The following PAPPA variants were observed in gnomAD, a reference collection of about 807,000 sequenced individuals.
The protein encoded by PAPPA is pappalysin-1.
A neutral mutation model predicts 164.0 loss-of-function variants in PAPPA; 60 were observed. The ratio of observed to expected loss-of-function variants is 0.37; its 90% CI spans 0.30 to 0.45. PAPPA has a LOEUF of 0.45. Among genes scored for constraint, PAPPA ranks in the 20% least tolerant of loss-of-function variants. PAPPA has a pLI of 1.00. For missense variants in PAPPA, 1,782 were observed against 2,087.3 expected (o/e 0.85, Z 2.85); for synonymous variants, 875 against 814.1 (o/e 1.07, Z -1.27).
chr9:116,355,203 TC>T (rs11356865), intron 17 of PAPPA, among the ~76,000 whole-genome samples: 151,752 of 152,372 alleles, frequency 1, 75,568 homozygotes, highest in East Asian at 1. Context: ...TCCCTGTGCC[TC>T]TCAGCACTTA....
intron 15 of PAPPA, among the ~76,000 whole-genome samples, chr9:116,352,014 G>A (rs905702441): frequency 2.0e-5 from 3 of 152,204 alleles, no homozygotes; most frequent in Non-Finnish European, 2.9e-5. Flanking sequence ...CCTAACTCCC[G>A]TGTTTTACTT....
At chr9:116,184,732 T>C (rs952861108) in intron 1 of PAPPA, among the ~76,000 whole-genome samples, 1 of 152,224 alleles carries the variant, frequency 6.6e-6, no homozygotes, top group Non-Finnish European at 1.5e-5. Context: ...ATCTTTCTAC[T>C]TTACCAAGAA....
intron 9 of PAPPA, among the ~76,000 whole-genome samples, chr9:116,288,027 A>G (rs1468734243): frequency 6.6e-6 from 1 of 152,186 alleles, no homozygotes; most frequent in Non-Finnish European, 1.5e-5. Flanking sequence ...CTGATCAAAA[A>G]GGGCAGTGGT....
intron 5 of PAPPA, 121 bp from the exon 6 acceptor site, chr9:116,227,310 G>A (rs776285504): frequency 8.2e-5 from 85 of 1,040,772 alleles, no homozygotes; most frequent in Non-Finnish European, 1.1e-4. Flanking sequence ...TATGTAGGCA[G>A]GAAAGGGGGA....
chr9:116,349,874 T>G (rs1846259096), intron 15 of PAPPA, among the ~76,000 whole-genome samples: 1 of 152,190 alleles, frequency 6.6e-6, no homozygotes. Flanking sequence ...ATGCCTTCAC[T>G]TCGTGTCTTG....
chr9:116,299,550 A>G (rs1347559079), intron 9 of PAPPA, among the ~76,000 whole-genome samples: 2 of 152,234 alleles, frequency 1.3e-5, no homozygotes, highest in Non-Finnish European at 2.9e-5. Context: ...TTACCCTTAC[A>G]GAGAACATAA....
chr9:116,290,450 T>C, intron 9 of PAPPA, among the ~76,000 whole-genome samples: 1 of 152,070 alleles, frequency 6.6e-6, no homozygotes, highest in East Asian at 1.9e-4. Flanking sequence ...AAATATATCT[T>C]AGAGTGACAC....
At chr9:116,228,756 C>A (rs577859431) in intron 6 of PAPPA, among the ~76,000 whole-genome samples, 83 of 152,274 alleles carry the variant, frequency 5.5e-4, no homozygotes, top group Non-Finnish European at 1.8e-4. Context: ...GGGCTCCCCC[C>A]AAGTGCAGGA....
At chr9:116,247,045 G>C (rs1844805134) in intron 7 of PAPPA, among the ~76,000 whole-genome samples, 1 of 151,844 alleles carries the variant, frequency 6.6e-6, no homozygotes, top group South Asian at 2.1e-4. Context: ...AAAAGAGAGA[G>C]AGAAAATAAA....
At chr9:116,317,983 G>A (rs1845807729) in intron 10 of PAPPA, among the ~76,000 whole-genome samples, 1 of 152,176 alleles carries the variant, frequency 6.6e-6, no homozygotes, top group Non-Finnish European at 1.5e-5. Flanking sequence ...TAAATAACGT[G>A]CTCAGAACTG....
intron 7 of PAPPA, among the ~76,000 whole-genome samples, chr9:116,243,904 G>T (rs989151713): frequency 7.2e-5 from 11 of 151,978 alleles, no homozygotes; most frequent in Admixed American, 6.6e-4. Context: ...ACATTCTGAT[G>T]TCCCACCCAC....
At chr9:116,177,811 A>G (rs537855982) in intron 1 of PAPPA, among the ~76,000 whole-genome samples, 10 of 152,192 alleles carry the variant, frequency 6.6e-5, no homozygotes, top group Non-Finnish European at 1.3e-4. Flanking sequence ...GCAACTTTCA[A>G]GGATGAACAA....
rs1413601794 is a variant in PAPPA at position 116,352,761 on chromosome 9, C to T, written c.4020C>T (p.Ala1340=). The change falls in exon 16 of 22, where the codon GCC becomes GCT. Residue 1340 remains alanine, a synonymous_variant. Coordinates refer to ENST00000328252, the MANE Select transcript of PAPPA (RefSeq NM_002581.5). ...ATGGGCTGTGGTCCTTCCCAGAGGC[C>T]CTGTGTGAGCTCATGTGCCTCGCTC... ...MEDGLWSFPE[A]LCELMCLAPP... is the part of the protein sequence containing the mutation. 6.2e-7 allele frequency: 1 copy of T among 1,613,782 alleles called. No homozygotes were observed. The highest frequency in any genetic ancestry group is 2.2e-5 in the East Asian group (1 of 44,882).
At chr9:116,171,678 C>T (rs997476356) in intron 1 of PAPPA, among the ~76,000 whole-genome samples, 2 of 152,200 alleles carry the variant, frequency 1.3e-5, no homozygotes, top group African/African-American at 4.8e-5. Context: ...GGAAGGCTTC[C>T]TGCCTTTCCA....
intron 8 of PAPPA, among the ~76,000 whole-genome samples, chr9:116,266,455 A>C (rs956320779): frequency 2.6e-5 from 4 of 152,258 alleles, no homozygotes; most frequent in Non-Finnish European, 5.9e-5. Context: ...ACAATTTACA[A>C]AATGGGTCAA....
intron 7 of PAPPA, among the ~76,000 whole-genome samples, chr9:116,236,062 G>A (rs573756943): frequency 2.6e-5 from 4 of 152,090 alleles, no homozygotes; most frequent in Non-Finnish European, 4.4e-5. Context: ...TGGGTGAATC[G>A]GGGGTGAAGT....
chr9:116,344,859 A>C, intron 14 of PAPPA, 148 bp downstream of exon 14: 1 of 654,140 alleles, frequency 1.5e-6, no homozygotes. Context: ...GATTAAATGA[A>C]TGCATGAATG....
chr9:116,286,198 G>A (rs1336583057), intron 9 of PAPPA: 1 of 152,160 alleles, frequency 6.6e-6, no homozygotes, highest in African/African-American at 2.4e-5. Context: ...TATACTGACA[G>A]AGGTCATTAC....
chr9:116,300,220 T>G (rs1288785070), intron 9 of PAPPA, among the ~76,000 whole-genome samples: 1 of 152,128 alleles, frequency 6.6e-6, no homozygotes, highest in Non-Finnish European at 1.5e-5. Context: ...TTATTCTGTT[T>G]CTTTTGCTCA....
Sources: allele counts gnomAD v4.1 joint callset (sites outside exome capture counted in the v4.1 genomes callset), GRCh38; gene constraint gnomAD v4.1.1; transcripts MANE v1.5; gene names NCBI Gene and HGNC (gene_info 2026-07-23, HGNC 2026-07-21).